Variants in ULBP3 observed in about 807,000 individuals in gnomAD.
ULBP3 encodes UL16-binding protein 3.
A neutral mutation model predicts 24.9 loss-of-function variants in ULBP3; 25 were observed. The ratio of observed to expected loss-of-function variants is 1.00; its 90% confidence interval spans 0.73 to 1.40. ULBP3 has a LOEUF of 1.40. Ranked by LOEUF, ULBP3 falls within the 40% of genes most tolerant of loss-of-function variation. The pLI, the probability that ULBP3 is intolerant of heterozygous loss-of-function variation, is 0.00. For synonymous variants in ULBP3, 114 were observed against 114.7 expected (o/e 0.99, Z 0.04); for missense variants, 306 against 307.5 (o/e 1.00, Z 0.04).
In ULBP3 at chr6:150,062,768, T is replaced by C. The variant is rs1776288715; in HGVS notation, c.*606A>G. ...TGTTCAGTTAAAACTTGTGCAGGAA[T>C]TCCATCCATTAGCACCGAGAGAAAG... On this transcript the variant is annotated 3_prime_UTR_variant, in exon 5 of 5. Coordinates refer to ENST00000367339, the MANE Select transcript of ULBP3 (RefSeq NM_024518.3). 6.7e-6 allele frequency among the ~76,000 whole-genome samples: 1 copy of C among 150,100 alleles called. No homozygotes were observed. Among genetic ancestry groups the C allele is most frequent in the African/African-American group, 2.5e-5 (1 of 40,742 alleles).
intron 1 of ULBP3, among the ~76,000 whole-genome samples, chr6:150,066,929 G>A (rs1045981600): frequency 6.6e-6 from 1 of 152,086 alleles, no homozygotes; most frequent in African/African-American, 2.4e-5. Context: ...TAATGGGGAT[G>A]GAAAATCCTG....
rs1776391702 is a variant in ULBP3, at chr6:150,069,056, G to A, written c.11C>T (p.Ala4Val). ...GCGCGGAAGGATCGCGGGGCTGGCG[G>A]CCGCTGCCATTGTAGACCAGGAGCG... Reference protein sequence around the residue: MAAAASPAILPRLA... With the variant: MAAVASPAILPRLA... The change falls in exon 1 of 5, where the codon GCC becomes GTC. Residue 4 changes from alanine to valine, a missense_variant. Physicochemically the swap from Ala to Val is moderately conservative, Grantham distance 64. Coordinates refer to ENST00000367339, the MANE Select transcript of ULBP3 (RefSeq NM_024518.3). The A allele has an allele frequency of 1.2e-6, 2 of 1,610,460 alleles. No homozygotes were observed. Among genetic ancestry groups the A allele is most frequent in the South Asian group, 2.2e-5 (2 of 90,788 alleles).
chr6:150,065,945 G>A lies in ULBP3; in HGVS notation c.306C>T (p.Leu102=). ...GCTCAGTGTCAGCCAGTTCCAGTCT[G>A]AGCCTCTGCCCCACCTCTCTCAGCA... The part of the protein sequence containing the change: ...LEMLREVGQR[L]RLELADTELE... The change falls in exon 2 of 5, where the codon CTC becomes CTT. Residue 102 remains leucine (L), a synonymous_variant. Transcript: ENST00000367339. 1 of 1,614,198 alleles carries A rather than the reference G, an allele frequency of 6.2e-7. No homozygotes were observed. Among genetic ancestry groups the A allele is most frequent in the Non-Finnish European group, 8.5e-7 (1 of 1,180,048 alleles).
chr6:150,066,192 G>C, intron 1 of ULBP3, 30 bp from the exon 2 acceptor site: 1 of 1,603,722 alleles, frequency 6.2e-7, no homozygotes. Flanking sequence ...ACACCAGAGA[G>C]TGTTGGGGTG....
chr6:150,064,702 T>C lies in ULBP3; in HGVS notation c.640A>G (p.Met214Val), dbSNP rs756428625. Residue 214 changes from methionine (M) to valine (V), a missense_variant, in exon 4 of 5, where the codon ATG becomes GTG. Physicochemically the swap from Met to Val is conservative, Grantham distance 21 (BLOSUM62 1). Transcript: ENST00000367339. ...TTGGGTTGAGCTAAGCCTGGGGCCA[T>C]GGTGGGTGGTGCTGAAAGGGAAACA... Reference protein sequence around the residue: ...KRLEPTAPPTMAPGLAQPKAI... With the variant: ...KRLEPTAPPTVAPGLAQPKAI... 10 of 1,613,944 alleles carry C rather than the reference T, an allele frequency of 6.2e-6. No homozygotes were observed. The East Asian group carries it at 1.6e-4, about 25-fold the overall frequency.
Position 150,065,896 on chromosome 6 carries a change from C to G in ULBP3, c.352+3G>C. On this transcript the variant is annotated splice_donor_region_variant and intron_variant, in intron 2 of 4. Transcript: ENST00000367339. ...CCTTCTGTCCTTGGTCTCTTTCACTCACCACTGGGTGTGAAATCCTCCAGC... is the reference window on the plus strand; with the variant it reads ...CCTTCTGTCCTTGGTCTCTTTCACTGACCACTGGGTGTGAAATCCTCCAGC... The G allele has an allele frequency of 6.2e-7, 1 of 1,614,050 alleles. No individual in the cohort carries two copies. Among genetic ancestry groups the G allele is most frequent in the Non-Finnish European group, 8.5e-7 (1 of 1,180,026 alleles).
rs144707773 is a variant in ULBP3, at chr6:150,066,639, C to A, written c.89-477G>T. On this transcript the variant is annotated intron_variant, in intron 1 of 4. Transcript: ENST00000367339. The stretch of plus-strand genomic sequence containing the variant: ...TGGAACCTTGGAAAAAGGAATGACC[C>A]ACACCGCATGAAACAGAAAACCCAG... 4.6e-3 allele frequency among the ~76,000 whole-genome samples: 698 copies of A among 152,276 alleles called. 8 individuals are homozygous for A. Among genetic ancestry groups the A allele is most frequent in the African/African-American group, 0.016 (661 of 41,542 alleles).
Position 150,065,668 on chromosome 6 carries a change from G to A in ULBP3, c.358C>T (p.Leu120Phe), listed in dbSNP as rs1776335228. 2 of 1,614,044 alleles carry A rather than the reference G, an allele frequency of 1.2e-6. No homozygotes were observed. The highest frequency in any genetic ancestry group is 1.7e-5 in the Admixed American group (1 of 60,004). Residue 120 changes from leucine to phenylalanine, a missense_variant, in exon 3 of 5, where the codon CTC becomes TTC. Leu to Phe is a conservative substitution (Grantham distance 22, BLOSUM62 0). Transcript: ENST00000367339. ...ELEDFTPSGP[L>F]TLQVRMSCEC... ...CAAGACATCCTGACCTGCAGCGTGA[G>A]GGGTCCTGCCCCAATCAGAAAGAGA...
At chr6:150,063,420 T>A (rs992883464) in intron 4 of ULBP3, 69 bp from the exon 5 acceptor site, 1 of 792,010 alleles carries the variant, frequency 1.3e-6, no homozygotes, top group South Asian at 5.7e-5. Context: ...TGGGTGATCC[T>A]TCCCAGGCCC....
chr6:150,067,585 G>A (rs1040237664), intron 1 of ULBP3, among the ~76,000 whole-genome samples: 8 of 150,032 alleles, frequency 5.3e-5, no homozygotes, highest in African/African-American at 1.3e-4. Context: ...GATTTCTACC[G>A]GGAATGGATA....
rs1249575740 is a variant in ULBP3, at chr6:150,066,045, C to T, written c.206G>A (p.Ser69Asn). The stretch of plus-strand genomic sequence containing the variant: ...GTGACCCATAGATAAGACCTTGTCA[C>T]TGCCACAGTCATAGGAGAGAAAATT... The part of the protein sequence containing the change: ...QKNFLSYDCG[S>N]DKVLSMGHLE... The change falls in exon 2 of 5, where the codon AGT becomes AAT. Residue 69 changes from serine to asparagine, a missense_variant. Physicochemically the swap from Ser to Asn is conservative, Grantham distance 46. Transcript: ENST00000367339. 6.2e-7 allele frequency: 1 copy of T among 1,614,244 alleles called. No individual in the cohort carries two copies. The highest frequency in any genetic ancestry group is 1.6e-4 in the Middle Eastern group (1 of 6,062).
chr6:150,068,856 T>C (rs1301605641), intron 1 of ULBP3, 123 bp downstream of exon 1: 1 of 1,026,834 alleles, frequency 9.7e-7, no homozygotes, highest in Non-Finnish European at 1.4e-6. Flanking sequence ...GAACTGAGCG[T>C]GGGGGCAGTC....
In ULBP3 at chr6:150,064,594, T is replaced by G. The variant is rs912558; in HGVS notation, c.*13A>C. 0.38 allele frequency: 608,609 copies of G among 1,613,018 alleles called. 116,365 individuals are homozygous for G. Among genetic ancestry groups the G allele is most frequent in the South Asian group, 0.45 (41,287 of 91,038 alleles). ...GTTTTGCCCACAGTACCTGTCACTC[T>G]AAATGACTCTTCTCAGATGCCAGGG... is the stretch of plus-strand genomic sequence containing the variant. On this transcript the variant is annotated 3_prime_UTR_variant, in exon 4 of 5. Coordinates refer to ENST00000367339, the MANE Select transcript of ULBP3 (RefSeq NM_024518.3).
Position 150,068,961 on chromosome 6 carries a change from C to A in ULBP3, c.88+18G>T, listed in dbSNP as rs751722416. The A allele has an allele frequency of 1.3e-6, 2 of 1,591,652 alleles. No homozygotes were observed. The highest frequency in any genetic ancestry group is 2.3e-5 in the South Asian group (2 of 88,322). ...AGGTTTGGCCCCCGCCCCGCTTAGGCTCCATCCCCGAACTCACCGGCCCGC... is the reference window on the plus strand; with the variant it reads ...AGGTTTGGCCCCCGCCCCGCTTAGGATCCATCCCCGAACTCACCGGCCCGC... On this transcript the variant is annotated intron_variant, in intron 1 of 4. Coordinates refer to ENST00000367339, the MANE Select transcript of ULBP3 (RefSeq NM_024518.3).
chr6:150,066,807 T>C (rs1405249758), intron 1 of ULBP3, among the ~76,000 whole-genome samples: 2 of 152,058 alleles, frequency 1.3e-5, no homozygotes, highest in Non-Finnish European at 2.9e-5. Context: ...ACCTAGCATA[T>C]AAAGAAGGCC....
At position 150,064,830 on chromosome 6, in the gene ULBP3, TG is replaced by T; in HGVS notation, c.629-118del. On this transcript the variant is annotated intron_variant, in intron 3 of 4. Transcript: ENST00000367339. ...AAGGCAGAGGATTTGTCTCCCCTGCTGTGGGGCAGCCGCTGTGACAGGTCCT... is the reference window on the plus strand; with the variant it reads ...AAGGCAGAGGATTTGTCTCCCCTGCTTGGGGCAGCCGCTGTGACAGGTCCT... 3 of 1,094,770 alleles carry T rather than the reference TG, an allele frequency of 2.7e-6. No individual in the cohort carries two copies. The South Asian group carries it at 4.5e-5, about 16-fold the overall frequency. The allele number at this position is 1,094,770 out of a possible 1,614,324, so 67.8% of individuals were successfully genotyped here. A position where few individuals can be genotyped will look rare whatever the true frequency, so the allele number is the denominator to read the frequency against.
intron 1 of ULBP3, among the ~76,000 whole-genome samples, chr6:150,068,019 G>T (rs1776372261): frequency 6.6e-6 from 1 of 152,114 alleles, no homozygotes; most frequent in African/African-American, 2.4e-5. Flanking sequence ...AGGTCATTAG[G>T]AAGATAGGCC....
chr6:150,066,725 G>C (rs906214583), intron 1 of ULBP3, among the ~76,000 whole-genome samples: 43 of 152,276 alleles, frequency 2.8e-4, no homozygotes, highest in African/African-American at 1.0e-3. Flanking sequence ...CCATGCCAGA[G>C]TGACTGCAGT....
chr6:150,068,460 G>T (rs2181921), intron 1 of ULBP3, among the ~76,000 whole-genome samples: 10,551 of 152,276 alleles, frequency 0.069, 1,232 homozygotes, highest in African/African-American at 0.24. Flanking sequence ...CTTGCAGGTT[G>T]CCATTGCCTG....
Sources: gnomAD v4.1 joint callset for allele counts (sites outside exome capture counted in the v4.1 genomes callset) on GRCh38, gnomAD v4.1.1 for gene constraint, MANE v1.5 for transcripts, NCBI Gene and HGNC (gene_info 2026-07-23, HGNC 2026-07-21) for gene names.